Variants in SRSF5 observed in about 807,000 individuals in gnomAD.
SRSF5 encodes the protein serine and arginine rich splicing factor 5.
A neutral mutation model predicts 34.0 loss-of-function variants in SRSF5; 5 were observed. The observed-to-expected ratio is 0.15, with a 90% CI of 0.08 to 0.31. The LOEUF (loss-of-function observed/expected upper bound fraction) is 0.31, where lower values mean the gene tolerates loss of function less well. Ranked by LOEUF, SRSF5 falls within the 10% of genes least tolerant of loss-of-function variation. The probability of loss-of-function intolerance (pLI) is 1.00; values close to 1 mark genes in which losing one functional copy is unlikely to be tolerated. For missense variants in SRSF5, 223 were observed against 351.4 expected (o/e 0.63, Z 2.92); for synonymous variants, 164 against 117.7 (o/e 1.39, Z -2.55).
In SRSF5 at chr14:69,771,312, C is replaced by G. The variant is rs201625721; in HGVS notation, c.670C>G (p.Arg224Gly). The G allele has an allele frequency of 6.8e-6, 11 of 1,613,982 alleles. No individual in the cohort carries two copies. Among genetic ancestry groups the G allele is most frequent in the Non-Finnish European group, 9.3e-6 (11 of 1,179,998 alleles). ...AAGAAGCAGGAGCAGGAGCCGGAGC[C>G]GGAGCAAGTCCCGTTCTGTTAGTAG... ...RSRSRSRSRS[R>G]SKSRSVSRSP... The change falls in exon 8 of 8, where the codon CGG (arginine) becomes GGG (glycine). Residue 224 changes from arginine to glycine, a missense_variant. Transcript: ENST00000557154.
chr14:69,768,467 G>C, intron 2 of SRSF5, 137 bp from the exon 3 acceptor site: 1 of 1,192,650 alleles, frequency 8.4e-7, no homozygotes, highest in Non-Finnish European at 1.2e-6. Context: ...ACTCCCAGTG[G>C]CTCCTTGATT....
intron 5 of SRSF5, chr14:69,769,514 G>T: frequency 6.5e-7 from 1 of 1,535,432 alleles, no homozygotes; most frequent in Non-Finnish European, 8.7e-7. Context: ...TTGCCAGCCT[G>T]TCTGTGTCGT....
intron 5 of SRSF5, 193 bp downstream of exon 5, chr14:69,769,444 T>G (rs1477032225): frequency 1.3e-6 from 2 of 1,531,386 alleles, no homozygotes; most frequent in African/African-American, 1.4e-5. Context: ...ATGTAAATGT[T>G]TTGAGGATAT....
In SRSF5 at chr14:69,771,260, C is replaced by G. The variant is rs1387121303; in HGVS notation, c.618C>G (p.Ser206=). 8 of 1,613,984 alleles carry G rather than the reference C, an allele frequency of 5.0e-6. No homozygotes were observed. The highest frequency in any genetic ancestry group is 1.3e-5 in the African/African-American group (1 of 74,892). Reference sequence around the variant, plus strand: ...CTAGGTCTCGTAGCCGATCCCGTTCCCGTAGTCGCAAATCTTACAGCCGGT... The same window carrying G: ...CTAGGTCTCGTAGCCGATCCCGTTCGCGTAGTCGCAAATCTTACAGCCGGT... ...SSSRSRSRSR[S]RSRKSYSRSR... is the part of the protein sequence containing the mutation. Residue 206 remains serine (S), a synonymous_variant, in exon 8 of 8, where the codon TCC becomes TCG. Coordinates refer to ENST00000557154, the MANE Select transcript of SRSF5 (RefSeq NM_001320214.2).
chr14:69,769,844 C>T, intron 5 of SRSF5: 1 of 1,276,750 alleles, frequency 7.8e-7, no homozygotes. Context: ...TAAAGTGGTC[C>T]TTGGTAACTG....
chr14:69,770,654 A>G (rs1883087163), intron 6 of SRSF5, 114 bp downstream of exon 6: 7 of 1,002,358 alleles, frequency 7.0e-6, no homozygotes, highest in African/African-American at 6.5e-5. Flanking sequence ...CTCCAGAGAC[A>G]ATTTTGCTGC....
chr14:69,768,515 C>A (rs1882812711), intron 2 of SRSF5, 89 bp from the exon 3 acceptor site: 2 of 1,353,834 alleles, frequency 1.5e-6, no homozygotes, highest in East Asian at 2.3e-5. Context: ...AGATACTCTT[C>A]CCATTCTGTC....
intron 4 of SRSF5, 24 bp downstream of exon 4, chr14:69,768,920 A>C (rs769478433): frequency 1.9e-6 from 3 of 1,603,528 alleles, no homozygotes; most frequent in Middle Eastern, 1.6e-4. Flanking sequence ...GGATGGCTGC[A>C]TTGAACAATT....
intron 1 of SRSF5, chr14:69,767,744 T>G (rs1882685967): frequency 1.1e-5 from 4 of 356,900 alleles, no homozygotes; most frequent in South Asian, 6.2e-5. Context: ...GTCGCGAGAT[T>G]CTGGCTTCCA....
At chr14:69,769,609 A>G in intron 5 of SRSF5, 1 of 1,535,124 alleles carries the variant, frequency 6.5e-7, no homozygotes, top group Non-Finnish European at 8.7e-7. Context: ...TTTGCCAGTC[A>G]GCTCCTACAG....
chr14:69,769,834 TAA>T, intron 5 of SRSF5: 1 of 1,297,850 alleles, frequency 7.7e-7, no homozygotes, highest in African/African-American at 1.5e-5. Context: ...CTGATCGCAG[TAA>T]AGTGGTCCTT....
chr14:69,767,360 A>T, intron 1 of SRSF5, 105 bp downstream of exon 1: 1 of 455,464 alleles, frequency 2.2e-6, no homozygotes, highest in Non-Finnish European at 4.4e-6. Flanking sequence ...GATGGCGTCT[A>T]ATGAGCGCAG....
At position 69,771,043 on chromosome 14, in the gene SRSF5, A is replaced by C. The variant is rs750159616; in HGVS notation, c.489A>C (p.Lys163Asn). The change falls in exon 7 of 8, where the codon AAA (lysine) becomes AAC (asparagine). Residue 163 changes from lysine (K) to asparagine (N), a missense_variant. Lys to Asn is a moderately conservative substitution (Grantham distance 94). Transcript: ENST00000557154. Reference sequence around the variant, plus strand: ...GTGACTTAAAGAATGCTATTGAAAAACTTTCTGGAAAGGAAATAAATGGGA... The same window carrying C: ...GTGACTTAAAGAATGCTATTGAAAACCTTTCTGGAAAGGAAATAAATGGGA... ...SYGDLKNAIEKLSGKEINGRK... is the reference protein window; with the variant it reads ...SYGDLKNAIENLSGKEINGRK... 2 of 1,614,022 alleles carry C rather than the reference A, an allele frequency of 1.2e-6. No individual in the cohort carries two copies. Among genetic ancestry groups the C allele is most frequent in the East Asian group, 4.5e-5 (2 of 44,888 alleles).
At position 69,767,180 on chromosome 14, in the gene SRSF5, C is replaced by G. The variant is rs534949899; in HGVS notation, c.-95C>G. The G allele has an allele frequency of 2.8e-6, 1 of 354,458 alleles. No homozygotes were observed. The highest frequency in any genetic ancestry group is 2.1e-5 in the South Asian group (1 of 46,856). The allele number at this position is 354,458 out of a possible 1,614,324, so 22.0% of individuals were successfully genotyped here. ...TGGCGTAGACGAGTTAAGTCCTGGTCTGCGTGGAGGTCGACGACTCCGTCG... is the reference window on the plus strand; with the variant it reads ...TGGCGTAGACGAGTTAAGTCCTGGTGTGCGTGGAGGTCGACGACTCCGTCG... On this transcript the variant is annotated 5_prime_UTR_variant, in exon 1 of 8. Coordinates refer to ENST00000557154, the MANE Select transcript of SRSF5 (RefSeq NM_001320214.2).
intron 2 of SRSF5, 101 bp downstream of exon 2, chr14:69,768,383 A>G (rs1882795136): frequency 5.9e-6 from 9 of 1,515,692 alleles, no homozygotes; most frequent in South Asian, 1.2e-5. Context: ...GCCTTCAGAA[A>G]ATGTTACCCA....
intron 4 of SRSF5, 135 bp downstream of exon 4, chr14:69,769,031 TTGA>T (rs1416879751): frequency 7.8e-7 from 1 of 1,285,270 alleles, no homozygotes; most frequent in Non-Finnish European, 1.1e-6. Context: ...CCAGTTGTTC[TTGA>T]TGAATCTATA....
At chr14:69,767,437 A>G (rs1365163556) in intron 1 of SRSF5, 182 bp downstream of exon 1, 1 of 455,828 alleles carries the variant, frequency 2.2e-6, no homozygotes, top group Non-Finnish European at 4.4e-6. Context: ...ACTGAGGTGA[A>G]AGGGCGGTCA....
At position 69,771,139 on chromosome 14, in the gene SRSF5, T is replaced by C. The variant is rs183546156; in HGVS notation, c.551+34T>C. The C allele has an allele frequency of 7.5e-5, 121 of 1,613,082 alleles. No individual in the cohort carries two copies. The Admixed American group carries it at 7.7e-4, about 10-fold the overall frequency. ...AATTTTTTAAAGTCAAAAGTTGTAT[T>C]TAATGGGTTTGTTGTAGAGTCTTAT... On this transcript the variant is annotated intron_variant, in intron 7 of 7. Transcript: ENST00000557154.
chr14:69,770,946 T>G, intron 6 of SRSF5, 49 bp from the exon 7 acceptor site: 1 of 1,501,478 alleles, frequency 6.7e-7, no homozygotes, highest in Non-Finnish European at 9.1e-7. Flanking sequence ...GTGCAATGTG[T>G]GAGACTACAG....
Sources: gnomAD v4.1 joint callset for allele counts on GRCh38, gnomAD v4.1.1 for gene constraint, MANE v1.5 for transcripts, NCBI Gene and HGNC (gene_info 2026-07-23, HGNC 2026-07-21) for gene names.